The following UNC80 variants were observed in gnomAD, a reference collection of about 807,000 sequenced individuals.
UNC80 encodes protein unc-80 homolog.
A neutral mutation model predicts 384.6 loss-of-function variants in UNC80; 164 were observed. The observed-to-expected ratio is 0.43, with a 90% CI of 0.38 to 0.49. UNC80 has a LOEUF of 0.49. Ranked by LOEUF, UNC80 falls within the 20% of genes least tolerant of loss-of-function variation. The pLI is 0.00. For synonymous variants in UNC80, 1,486 were observed against 1,527.8 expected (o/e 0.97, Z 0.64); for missense variants, 3,330 against 4,143.0 (o/e 0.80, Z 5.39).
chr2:209,839,458 G>T lies in UNC80; in HGVS notation c.3250+28G>T, dbSNP rs1352712657. 2 of 1,550,870 alleles carry T rather than the reference G, an allele frequency of 1.3e-6. No homozygotes were observed. The highest frequency in any genetic ancestry group is 1.2e-5 in the South Asian group (1 of 84,016). On this transcript the variant is annotated intron_variant, in intron 19 of 64. Transcript: ENST00000673920. The surrounding 1 kb of genome is among the most constrained non-coding windows in gnomAD (Gnocchi z 4.1). ...AAAAGTATGTCTGTATTTGTTTATG[G>T]ATTATCTTATTACCAACCATGTCCT...
At position 209,970,931 on chromosome 2, in the gene UNC80, G is replaced by C; in HGVS notation, c.8230G>C (p.Val2744Leu). Residue 2744 changes from valine to leucine, a missense_variant, in exon 54 of 65, where the codon GTC (valine) becomes CTC (leucine). Around this residue, in one of 8 missense-constraint regions of UNC80, gnomAD observed 1,049 missense variants for 1,488.6 expected, o/e 0.70. Transcript: ENST00000673920. ...ACCTCTGCCCTTCAGCACAGCTGTT[G>C]TCCGGCTTGTAGCATTGCAGATACA... ...SPPLPFSTAV[V>L]RLVALQIQAL... is the part of the protein sequence containing the mutation. The C allele has an allele frequency of 6.4e-7, 1 of 1,551,892 alleles. No homozygotes were observed. Among genetic ancestry groups the C allele is most frequent in the Non-Finnish European group, 8.7e-7 (1 of 1,147,002 alleles).
At chr2:209,942,483 T>G (rs1383205631) in intron 44 of UNC80, among the ~76,000 whole-genome samples, 2 of 152,202 alleles carry the variant, frequency 1.3e-5, no homozygotes, top group Non-Finnish European at 2.9e-5. Flanking sequence ...TTTTATTTAC[T>G]CGTGTCTAAT....
intron 28 of UNC80, among the ~76,000 whole-genome samples, chr2:209,902,902 C>G (rs913521599): frequency 2.4e-5 from 3 of 123,740 alleles, no homozygotes; most frequent in Non-Finnish European, 4.9e-5. Context: ...TGCCTGTATA[C>G]ACGTGTGTGT....
At chr2:209,788,572 G>C (rs1372506375) in intron 5 of UNC80, among the ~76,000 whole-genome samples, 2 of 145,580 alleles carry the variant, frequency 1.4e-5, no homozygotes, top group Non-Finnish European at 3.0e-5. Context: ...TATATTAAAA[G>C]TATAAAATAT....
intron 61 of UNC80, among the ~76,000 whole-genome samples, chr2:209,990,480 T>C (rs1019324817): frequency 2.6e-5 from 4 of 152,190 alleles, no homozygotes; most frequent in Admixed American, 2.0e-4. Context: ...CTCCTCTTAA[T>C]GGCCAAGGGA....
intron 21 of UNC80, among the ~76,000 whole-genome samples, chr2:209,842,836 G>T (rs575643457): frequency 6.6e-6 from 1 of 152,278 alleles, no homozygotes; most frequent in African/African-American, 2.4e-5. Context: ...CCACTGAGGG[G>T]GAGTTTATAA....
chr2:209,830,792 T>C (rs2080898119), intron 15 of UNC80, among the ~76,000 whole-genome samples: 2 of 152,160 alleles, frequency 1.3e-5, no homozygotes, highest in Admixed American at 6.5e-5. Context: ...CACGGGCATT[T>C]CACATGTGTG....
intron 29 of UNC80, among the ~76,000 whole-genome samples, chr2:209,906,447 C>A (rs1446036536): frequency 3.3e-5 from 5 of 152,006 alleles, no homozygotes; most frequent in South Asian, 4.1e-4. Flanking sequence ...TGACAAGTGC[C>A]TTTTGATTCT....
intron 37 of UNC80, 38 bp from the exon 38 acceptor site, chr2:209,930,930 A>G: frequency 7.2e-7 from 1 of 1,383,804 alleles, no homozygotes. Flanking sequence ...ACAGCATGGC[A>G]GCTGAAGGAA....
chr2:209,917,745 A>C (rs751895444), intron 31 of UNC80, 32 bp from the exon 32 acceptor site: 1 of 1,550,090 alleles, frequency 6.5e-7, no homozygotes, highest in Non-Finnish European at 8.7e-7. Flanking sequence ...ATATTTTAAA[A>C]GCATAGCTGA....
At chr2:209,918,714 A>G (rs945775519) in intron 33 of UNC80, 51 bp downstream of exon 33, 5 of 1,460,302 alleles carry the variant, frequency 3.4e-6, no homozygotes, top group Non-Finnish European at 2.7e-6. Flanking sequence ...AAAGAGAACA[A>G]TTAATATTTG....
At position 209,819,133 on chromosome 2, in the gene UNC80, C is replaced by A. The variant is rs1421589275; in HGVS notation, c.1834C>A (p.Pro612Thr). ...QVPIPEMPHE[P>T]LACANLPRSL... is the part of the protein sequence containing the mutation. Reference sequence around the variant, plus strand: ...GCCTATCCCGGAGATGCCACATGAACCTCTGGCATGTGCTAACCTACCTCG... The same window carrying A: ...GCCTATCCCGGAGATGCCACATGAAACTCTGGCATGTGCTAACCTACCTCG... The change falls in exon 12 of 65, where the codon CCT becomes ACT. Residue 612 changes from proline (P) to threonine (T), a missense_variant. Coordinates refer to ENST00000673920, the MANE Select transcript of UNC80 (RefSeq NM_001371986.1). 10 of 1,552,088 alleles carry A rather than the reference C, an allele frequency of 6.4e-6. No homozygotes were observed. The highest frequency in any genetic ancestry group is 8.7e-6 in the Non-Finnish European group (10 of 1,147,140).
Position 209,777,548 on chromosome 2 carries a change from C to T in UNC80, c.589C>T (p.His197Tyr). 5 of 1,609,132 alleles carry T rather than the reference C, an allele frequency of 3.1e-6. No homozygotes were observed. Among genetic ancestry groups the T allele is most frequent in the Non-Finnish European group, 4.2e-6 (5 of 1,177,292 alleles). ...CGTGTTTCTGTTTGCTCCCCTGGTACACAGGATCAAGGTAAGCAGAAACCC... is the reference window on the plus strand; with the variant it reads ...CGTGTTTCTGTTTGCTCCCCTGGTATACAGGATCAAGGTAAGCAGAAACCC... ...LFVFLFAPLV[H>Y]RIKESDLTFR... The change falls in exon 4 of 65, where the codon CAC (histidine) becomes TAC (tyrosine). Residue 197 changes from histidine to tyrosine, a missense_variant. Physicochemically the swap from His to Tyr is moderately conservative, Grantham distance 83. Transcript: ENST00000673920.
At chr2:209,837,826 C>A (rs2081433968) in intron 18 of UNC80, among the ~76,000 whole-genome samples, 1 of 150,676 alleles carries the variant, frequency 6.6e-6, no homozygotes, top group Non-Finnish European at 1.5e-5. Context: ...GGCCAGAGTG[C>A]AGTGGCGCTA....
intron 13 of UNC80, 45 bp downstream of exon 13, chr2:209,820,724 A>C: frequency 6.8e-7 from 1 of 1,467,046 alleles, no homozygotes; most frequent in South Asian, 1.5e-5. Context: ...TGTCATACCT[A>C]ATTTCTTTCT....
At chr2:209,801,986 A>C (rs1042171717) in intron 7 of UNC80, among the ~76,000 whole-genome samples, 6 of 152,320 alleles carry the variant, frequency 3.9e-5, no homozygotes, top group African/African-American at 1.4e-4. Flanking sequence ...TGAAATTTTG[A>C]TAGCAATTTT....
intron 29 of UNC80, among the ~76,000 whole-genome samples, chr2:209,909,977 C>G (rs1304518672): frequency 6.6e-6 from 1 of 151,616 alleles, no homozygotes; most frequent in Non-Finnish European, 1.5e-5. Context: ...TCCCTAATCT[C>G]TATTTATCAC....
intron 22 of UNC80, among the ~76,000 whole-genome samples, chr2:209,865,585 A>G (rs1378694493): frequency 5.7e-5 from 8 of 141,004 alleles, no homozygotes; most frequent in Non-Finnish European, 1.3e-4. Context: ...TCCGTCTCAG[A>G]AAAAAAAAAA....
chr2:209,851,865 A>T (rs1479942758), intron 22 of UNC80, among the ~76,000 whole-genome samples: 1 of 151,914 alleles, frequency 6.6e-6, no homozygotes, highest in Non-Finnish European at 1.5e-5. Context: ...TACCATACTG[A>T]CTCTCTTATT....
Sources: allele counts gnomAD v4.1 joint callset (sites outside exome capture counted in the v4.1 genomes callset), GRCh38; gene constraint gnomAD v4.1.1; regional missense constraint gnomAD v4.1.1; non-coding constraint Gnocchi (gnomAD v3.1); transcripts MANE v1.5; gene names NCBI Gene and HGNC (gene_info 2026-07-23, HGNC 2026-07-21).